CMSS1: variants seen among roughly 807,000 people sequenced by gnomAD.
The protein encoded by CMSS1 is protein CMSS1.
In CMSS1, 33 loss-of-function variants were observed where a neutral mutation model predicts 43.5. The observed-to-expected ratio is 0.76, with a 90% CI of 0.57 to 1.01. The LOEUF (loss-of-function observed/expected upper bound fraction) is 1.01. Among genes scored for constraint, CMSS1 ranks in the 50% least tolerant of loss-of-function variants. The probability of loss-of-function intolerance (pLI) is 0.00; values close to 1 mark genes in which losing one functional copy is unlikely to be tolerated. For synonymous variants in CMSS1, 115 were observed against 117.2 expected, an observed-to-expected ratio of 0.98 and a Z score of 0.12; for missense variants, 313 against 326.4, an observed-to-expected ratio of 0.96 and a Z score of 0.32.
chr3:100,104,452 A>G (rs921680159), intron 1 of CMSS1, among the ~76,000 whole-genome samples: 8 of 152,200 alleles, frequency 5.3e-5, no homozygotes, highest in East Asian at 1.9e-4. Flanking sequence ...AGATGTAGCA[A>G]TGTGGTTACC....
Position 99,974,891 on chromosome 3 carries a change from A to G in CMSS1, c.64+156848A>G, listed in dbSNP as rs148569253. ...CTTGGCATGGGCTCTTGTGTTTGCC[A>G]TACCAGGTGGATTCAGTCCAAACTC... is the stretch of plus-strand genomic sequence containing the variant. On this transcript the variant is annotated intron_variant, in intron 1 of 9. Transcript: ENST00000421999. 4.6e-3 allele frequency among the ~76,000 whole-genome samples: 705 copies of G among 152,322 alleles called. 2 individuals are homozygous for G. The highest frequency in any genetic ancestry group is 7.0e-3 in the South Asian group (34 of 4,826).
At chr3:100,083,689 T>C (rs906257144) in intron 1 of CMSS1, among the ~76,000 whole-genome samples, 2 of 152,248 alleles carry the variant, frequency 1.3e-5, no homozygotes, top group Non-Finnish European at 2.9e-5. Flanking sequence ...CAGTCTTAAC[T>C]AAATTGTGTT....
Position 100,132,818 on chromosome 3 carries a change from C to CAAAAAA in CMSS1, c.65-14138_65-14133dup, listed in dbSNP as rs537334560. Among the ~76,000 whole-genome samples, 500 of 64,032 alleles carry CAAAAAA rather than the reference C, an allele frequency of 7.8e-3. 5 individuals carry two copies. The highest frequency in any genetic ancestry group is 0.016 in the Middle Eastern group (1 of 62). 42.0% of individuals were successfully genotyped at this position (64,032 alleles called of 152,430 possible). A position where few individuals can be genotyped will look rare whatever the true frequency, so the allele number is the denominator to read the frequency against. On this transcript the variant is annotated intron_variant, in intron 1 of 9. Transcript: ENST00000421999. ...TGGGCGACAGAGCAAGACTCCATCC[C>CAAAAAA]AAAAAAAAAAAAAAAAAAAAAAGAA...
Position 100,162,533 on chromosome 3 carries a change from C to T in CMSS1, c.355+101C>T, listed in dbSNP as rs2067033407. On this transcript the variant is annotated intron_variant, in intron 4 of 9. Coordinates refer to ENST00000421999, the MANE Select transcript of CMSS1 (RefSeq NM_032359.4). Reference sequence around the variant, plus strand: ...GTCAATTAACACATTTTCCAGCGGGCATGGTGGCTCATGCCTATAATCCCA... The same window carrying T: ...GTCAATTAACACATTTTCCAGCGGGTATGGTGGCTCATGCCTATAATCCCA... 4.1e-6 allele frequency: 5 copies of T among 1,223,292 alleles called. No individual in the cohort carries two copies. In the East Asian group the frequency reaches 1.3e-4, roughly 31 times the overall value. 75.8% of individuals were successfully genotyped at this position (1,223,292 alleles called of 1,614,324 possible).
chr3:99,948,180 T>C (rs1208544021), intron 1 of CMSS1, among the ~76,000 whole-genome samples: 1 of 152,078 alleles, frequency 6.6e-6, no homozygotes, highest in Non-Finnish European at 1.5e-5. Flanking sequence ...TACCAAAAAC[T>C]AAAACATTGC....
At chr3:99,877,775 CA>C (rs1253653703) in intron 1 of CMSS1, among the ~76,000 whole-genome samples, 1 of 152,094 alleles carries the variant, frequency 6.6e-6, no homozygotes, top group South Asian at 2.1e-4. Context: ...TTTTTTATTA[CA>C]AATGAGATTA....
intron 1 of CMSS1, among the ~76,000 whole-genome samples, chr3:100,020,760 C>CTTTTTTTTTTTTTTTTT (rs34665880): frequency 1.4e-5 from 1 of 70,994 alleles, no homozygotes; most frequent in African/African-American, 5.9e-5. Flanking sequence ...GAATAATTAG[C>CTTTTTTTTTTTTTTTTT]TTTTTTTTTT....
intron 1 of CMSS1, among the ~76,000 whole-genome samples, chr3:99,943,815 T>C (rs1334241012): frequency 6.6e-6 from 1 of 152,168 alleles, no homozygotes; most frequent in Non-Finnish European, 1.5e-5. Flanking sequence ...GGAAAGAGCA[T>C]AGGCTCTGGA....
intron 1 of CMSS1, among the ~76,000 whole-genome samples, chr3:99,978,855 A>C (rs1709042064): frequency 6.6e-6 from 1 of 152,134 alleles, no homozygotes; most frequent in African/African-American, 2.4e-5. Context: ...ACTGCACTCC[A>C]GCCTGGGCAA....
rs567455823 is a variant in CMSS1, at chr3:99,933,108, T to C, written c.64+115065T>C. Among the ~76,000 whole-genome samples, 230 of 152,304 alleles carry C rather than the reference T, an allele frequency of 1.5e-3. 1 individual carries two copies. The highest frequency in any genetic ancestry group is 1.6e-4 in the Non-Finnish European group (11 of 68,026). On this transcript the variant is annotated intron_variant, in intron 1 of 9. Coordinates refer to ENST00000421999, the MANE Select transcript of CMSS1 (RefSeq NM_032359.4). ...TATTGAAGGTTGCACAGCTAATAAG[T>C]GGCAAAACTGGGATTTGAGTCTAGG... is the stretch of plus-strand genomic sequence containing the variant.
intron 1 of CMSS1, among the ~76,000 whole-genome samples, chr3:100,142,784 A>G (rs911944109): frequency 6.6e-6 from 1 of 152,222 alleles, no homozygotes; most frequent in African/African-American, 2.4e-5. Context: ...AAGGGATTAA[A>G]TGCTTTACAT....
intron 1 of CMSS1, among the ~76,000 whole-genome samples, chr3:100,052,443 A>G (rs569804084): frequency 3.9e-5 from 6 of 152,282 alleles, no homozygotes; most frequent in South Asian, 4.1e-4. Context: ...TGCATGTCCT[A>G]TTAGAACTGA....
chr3:99,986,733 G>A (rs925493142), intron 1 of CMSS1, among the ~76,000 whole-genome samples: 3 of 152,042 alleles, frequency 2.0e-5, no homozygotes, highest in Admixed American at 1.3e-4. Context: ...CCTAAGCGGG[G>A]GATTCTTTTG....
chr3:100,134,602 T>G (rs2066735428), intron 1 of CMSS1, among the ~76,000 whole-genome samples: 1 of 152,152 alleles, frequency 6.6e-6, no homozygotes, highest in Non-Finnish European at 1.5e-5. Context: ...AAAACAAGTA[T>G]AAATCAGGAC....
intron 1 of CMSS1, among the ~76,000 whole-genome samples, chr3:100,144,254 C>T (rs895754925): frequency 8.5e-5 from 13 of 152,110 alleles, no homozygotes; most frequent in African/African-American, 3.1e-4. Flanking sequence ...TCTATGTAGC[C>T]TTTTTAATGG....
chr3:99,905,608 A>G (rs1052477612), intron 1 of CMSS1, among the ~76,000 whole-genome samples: 3 of 152,192 alleles, frequency 2.0e-5, no homozygotes, highest in Non-Finnish European at 4.4e-5. Flanking sequence ...ATACACTTTT[A>G]CATATGTGTG....
At chr3:100,173,043 C>CT (rs938537819) in intron 8 of CMSS1, among the ~76,000 whole-genome samples, 14 of 151,374 alleles carry the variant, frequency 9.2e-5, no homozygotes, top group East Asian at 3.9e-4. Flanking sequence ...TATAATAGAG[C>CT]TTTTTTTTTA....
chr3:100,130,362 G>A (rs17315278), intron 1 of CMSS1, among the ~76,000 whole-genome samples: 1 of 152,174 alleles, frequency 6.6e-6, no homozygotes, highest in East Asian at 1.9e-4. Context: ...AGTTTGTTTT[G>A]GTAGCTACTG....
chr3:99,996,359 T>A (rs1709680402), intron 1 of CMSS1, among the ~76,000 whole-genome samples: 1 of 152,188 alleles, frequency 6.6e-6, no homozygotes, highest in Non-Finnish European at 1.5e-5. Flanking sequence ...TTATTGTCCA[T>A]ATCACTGCCA....
Sources: gnomAD v4.1 joint callset for allele counts (sites outside exome capture counted in the v4.1 genomes callset) on GRCh38, gnomAD v4.1.1 for gene constraint, MANE v1.5 for transcripts, NCBI Gene and HGNC (gene_info 2026-07-23, HGNC 2026-07-21) for gene names.